ZBTB3: variants seen among roughly 807,000 people sequenced by gnomAD.
ZBTB3 encodes the protein zinc finger and BTB domain-containing protein 3.
ZBTB3 carries 15 observed loss-of-function variants against 30.6 expected under a neutral mutation model. The observed-to-expected ratio is 0.49, with a 90% CI of 0.33 to 0.75. ZBTB3 has a LOEUF of 0.75. ZBTB3 is among the 30% of genes least tolerant of loss of function. The pLI, the probability that ZBTB3 is intolerant of heterozygous loss-of-function variation, is 0.02. For synonymous variants in ZBTB3, 258 were observed against 261.7 expected (o/e 0.99, Z 0.14); for missense variants, 599 against 652.1 (o/e 0.92, Z 0.89).
rs2084025781 is a variant in ZBTB3, at chr11:62,752,707, C to G, written c.958G>C (p.Asp320His). 6.2e-7 allele frequency: 1 copy of G among 1,614,080 alleles called. No individual in the cohort carries two copies. The highest frequency in any genetic ancestry group is 1.7e-5 in the Admixed American group (1 of 60,008). The change falls in exon 2 of 2, where the codon GAT becomes CAT. Residue 320 changes from aspartate to histidine, a missense_variant. Coordinates refer to ENST00000394807, the MANE Select transcript of ZBTB3 (RefSeq NM_001370809.1). ...CTCTCAGGACCCTGAGGCTGTTCAT[C>G]TGACACATCAGTCTCTTCATCAGAG... ...VISDEETDVS[D>H]EQPQGPERAF...
chr11:62,753,849 T>TC, intron 1 of ZBTB3, 115 bp downstream of exon 1: 1 of 1,541,474 alleles, frequency 6.5e-7, no homozygotes, highest in Non-Finnish European at 8.8e-7. Flanking sequence ...CCCAAAGCTC[T>TC]CCCATTAGCT....
rs759512513 is a variant in ZBTB3 at position 62,752,137 on chromosome 11, C to T, written c.1528G>A (p.Gly510Arg). The change falls in exon 2 of 2, where the codon GGA (glycine) becomes AGA (arginine). Residue 510 changes from glycine to arginine, a missense_variant. Transcript: ENST00000394807. ...AATACAAAATCTTTAGGTGGCCCTC[C>T]ACCACTGCTGCTCTGTCTGTCTGCT... Reference protein sequence around the residue: ...PTADRQSSSGGGPPKDFVLAP... With the variant: ...PTADRQSSSGRGPPKDFVLAP... The T allele has an allele frequency of 3.4e-5, 55 of 1,613,578 alleles. No individual in the cohort carries two copies. Among genetic ancestry groups the T allele is most frequent in the Non-Finnish European group, 4.5e-5 (53 of 1,179,728 alleles).
At position 62,754,133 on chromosome 11, in the gene ZBTB3, A is replaced by G. The variant is rs1028836340; in HGVS notation, c.-221T>C. 17 of 1,467,742 alleles carry G rather than the reference A, an allele frequency of 1.2e-5. No homozygotes were observed. In the African/African-American group the frequency reaches 1.7e-4, roughly 14 times the overall value. 90.9% of individuals were successfully genotyped at this position (1,467,742 alleles called of 1,614,324 possible). On this transcript the variant is annotated 5_prime_UTR_variant, in exon 1 of 2. Coordinates refer to ENST00000394807, the MANE Select transcript of ZBTB3 (RefSeq NM_001370809.1). ...AGCGGAGAAAGCTGATACCTCACCC[A>G]CCACCGAGCAGCCACAGGGCGAGCT...
rs771039859 is a variant in ZBTB3 at position 62,752,231 on chromosome 11, G to A, written c.1434C>T (p.Ala478=). Residue 478 remains alanine (A), a synonymous_variant, in exon 2 of 2, where the codon GCC becomes GCT. Coordinates refer to ENST00000394807, the MANE Select transcript of ZBTB3 (RefSeq NM_001370809.1). ...CTTCTGGATCTGGTTTGCTGCGTTT[G>A]GCCAGGTCCTCATTGTGAGCCTTGC... The part of the protein sequence containing the change: ...HIRKAHNEDL[A]KRSKPDPEVG... 4 of 1,614,084 alleles carry A rather than the reference G, an allele frequency of 2.5e-6. No individual in the cohort carries two copies. In the Admixed American group the frequency reaches 6.7e-5, roughly 27 times the overall value.
Position 62,752,304 on chromosome 11 carries a change from T to C in ZBTB3, c.1361A>G (p.Tyr454Cys). 1 of 1,614,118 alleles carries C rather than the reference T, an allele frequency of 6.2e-7. No individual in the cohort carries two copies. Reference sequence around the variant, plus strand: ...TGACTGCGTGTAGCTCCGCAGGCAGTAGCGGCACTCATAGGGTCGCTCACG... The same window carrying C: ...TGACTGCGTGTAGCTCCGCAGGCAGCAGCGGCACTCATAGGGTCGCTCACG... The part of the protein sequence containing the change: ...HTRERPYECR[Y>C]CLRSYTQSGD... Residue 454 changes from tyrosine (Y) to cysteine (C), a missense_variant, in exon 2 of 2, where the codon TAC (tyrosine) becomes TGC (cysteine). Tyr to Cys is a radical substitution (Grantham distance 194). Transcript: ENST00000394807.
Position 62,752,032 on chromosome 11 carries a change from A to T in ZBTB3, c.*58T>A. The T allele has an allele frequency of 6.6e-7, 1 of 1,504,396 alleles. No individual in the cohort carries two copies. Among genetic ancestry groups the T allele is most frequent in the East Asian group, 2.3e-5 (1 of 43,944 alleles). 93.2% of individuals were successfully genotyped at this position (1,504,396 alleles called of 1,614,324 possible). A position where few individuals can be genotyped will look rare whatever the true frequency, so the allele number is the denominator to read the frequency against. ...CAGCAGGGGTGATAAGGTGCCACCA[A>T]CCTTCTGAGCTGCCATCTAAGGATG... On this transcript the variant is annotated 3_prime_UTR_variant, in exon 2 of 2. Coordinates refer to ENST00000394807, the MANE Select transcript of ZBTB3 (RefSeq NM_001370809.1).
Position 62,753,964 on chromosome 11 carries a change from C to T in ZBTB3, c.-52G>A. 1 of 1,614,068 alleles carries T rather than the reference C, an allele frequency of 6.2e-7. No individual in the cohort carries two copies. Among genetic ancestry groups the T allele is most frequent in the Non-Finnish European group, 8.5e-7 (1 of 1,180,020 alleles). ...CACCCTCCGCTTCCTTGATGCCCAC[C>T]CGGTAGCGTCCAACGGCTCCACGAA... is the stretch of plus-strand genomic sequence containing the variant. On this transcript the variant is annotated splice_region_variant and 5_prime_UTR_variant, in exon 1 of 2. Coordinates refer to ENST00000394807, the MANE Select transcript of ZBTB3 (RefSeq NM_001370809.1).
chr11:62,753,055 C>A lies in ZBTB3; in HGVS notation c.610G>T (p.Ala204Ser), dbSNP rs770425058. 1 of 1,614,184 alleles carries A rather than the reference C, an allele frequency of 6.2e-7. No individual in the cohort carries two copies. The highest frequency in any genetic ancestry group is 8.5e-7 in the Non-Finnish European group (1 of 1,180,046). The part of the protein sequence containing the change: ...DTTQPGMEVD[A>S]PHLRAPHPPV... ...GGATGAGGTGCCCGCAGATGTGGTG[C>A]GTCAACCTCCATGCCAGGCTGTGTA... The change falls in exon 2 of 2, where the codon GCA becomes TCA. Residue 204 changes from alanine to serine, a missense_variant. Ala to Ser is a moderately conservative substitution (Grantham distance 99). Coordinates refer to ENST00000394807, the MANE Select transcript of ZBTB3 (RefSeq NM_001370809.1).
In ZBTB3 at chr11:62,753,779, T is replaced by G. The variant is rs2098504800; in HGVS notation, c.-51-64A>C. ...CCCAGCAACCTTATCAGCCCTTAAC[T>G]ATCACTTGCCACTCCAAAACAATCG... is the stretch of plus-strand genomic sequence containing the variant. On this transcript the variant is annotated intron_variant, in intron 1 of 1. Transcript: ENST00000394807. The G allele has an allele frequency of 1.9e-6, 3 of 1,544,954 alleles. No individual in the cohort carries two copies. In the Admixed American group the frequency reaches 5.7e-5, roughly 29 times the overall value.
intron 1 of ZBTB3, 49 bp downstream of exon 1, chr11:62,753,915 C>T (rs1241056399): frequency 1.2e-6 from 2 of 1,603,040 alleles, no homozygotes; most frequent in Non-Finnish European, 8.5e-7. Flanking sequence ...ATAAGCCCTG[C>T]CCCCGGAAGT....
In ZBTB3 at chr11:62,751,859, G is replaced by A. The variant is rs377711549; in HGVS notation, c.*231C>T. 170 of 340,894 alleles carry A rather than the reference G, an allele frequency of 5.0e-4. No homozygotes were observed. The highest frequency in any genetic ancestry group is 8.0e-4 in the Non-Finnish European group (153 of 191,244). 21.1% of individuals were successfully genotyped at this position (340,894 alleles called of 1,614,324 possible). A position where few individuals can be genotyped will look rare whatever the true frequency, so the allele number is the denominator to read the frequency against. ...CTGAGGCAGGAGAATGGCGTGAATCGGGGAGGCTGAGCTTGCAGTGAGCCG... is the reference window on the plus strand; with the variant it reads ...CTGAGGCAGGAGAATGGCGTGAATCAGGGAGGCTGAGCTTGCAGTGAGCCG... On this transcript the variant is annotated 3_prime_UTR_variant, in exon 2 of 2. Transcript: ENST00000394807.
Position 62,753,445 on chromosome 11 carries a change from G to C in ZBTB3, c.220C>G (p.Pro74Ala), listed in dbSNP as rs1445723763. ...VCIHNEIVTA[P>A]AFGLLLDFMY... ...AAGTCCAGAAGCAGCCCAAAGGCTG[G>C]GGCTGTGACAATTTCATTGTGAATA... Residue 74 changes from proline to alanine, a missense_variant, in exon 2 of 2, where the codon CCA becomes GCA. Physicochemically the swap from Pro to Ala is conservative, Grantham distance 27 (BLOSUM62 -1). Coordinates refer to ENST00000394807, the MANE Select transcript of ZBTB3 (RefSeq NM_001370809.1). 2 of 1,614,192 alleles carry C rather than the reference G, an allele frequency of 1.2e-6. No individual in the cohort carries two copies. The highest frequency in any genetic ancestry group is 1.7e-5 in the Admixed American group (1 of 60,020).
chr11:62,753,672 C>A lies in ZBTB3; in HGVS notation c.-8G>T, dbSNP rs201321255. On this transcript the variant is annotated 5_prime_UTR_variant, in exon 2 of 2. Transcript: ENST00000394807. The stretch of plus-strand genomic sequence containing the variant: ...GTGTTCTGGGAACTCCATAGTACCC[C>A]ACGAAGGAAAGGGGGCCCAAAAAAG... The A allele has an allele frequency of 4.4e-6, 7 of 1,608,648 alleles. No homozygotes were observed. Among genetic ancestry groups the A allele is most frequent in the Admixed American group, 1.7e-5 (1 of 59,706 alleles).
At position 62,753,121 on chromosome 11, in the gene ZBTB3, G is replaced by A. The variant is rs571308707; in HGVS notation, c.544C>T (p.Arg182Cys). The change falls in exon 2 of 2, where the codon CGT becomes TGT. Residue 182 changes from arginine to cysteine, a missense_variant. Transcript: ENST00000394807. ...KGSAAPSPTV[R>C]PPDEPPMSSG... ...GACATTGGTGGCTCATCTGGAGGAC[G>A]GACAGTAGGTGAGGGAGCAGCAGAG... The A allele has an allele frequency of 7.4e-5, 120 of 1,614,176 alleles. No homozygotes were observed. The highest frequency in any genetic ancestry group is 1.7e-4 in the Admixed American group (10 of 60,006).
chr11:62,753,960 C>T lies in ZBTB3; in HGVS notation c.-52+4G>A. ...TAGCCACCCTCCGCTTCCTTGATGCCCACCCGGTAGCGTCCAACGGCTCCA... is the reference window on the plus strand; with the variant it reads ...TAGCCACCCTCCGCTTCCTTGATGCTCACCCGGTAGCGTCCAACGGCTCCA... On this transcript the variant is annotated splice_donor_region_variant and intron_variant, in intron 1 of 1. Transcript: ENST00000394807. The T allele has an allele frequency of 6.2e-7, 1 of 1,614,004 alleles. No individual in the cohort carries two copies. The highest frequency in any genetic ancestry group is 8.5e-7 in the Non-Finnish European group (1 of 1,179,986).
Position 62,751,849 on chromosome 11 carries a change from G to A in ZBTB3, c.*241C>T. 1 of 322,276 alleles carries A rather than the reference G, an allele frequency of 3.1e-6. No individual in the cohort carries two copies. The highest frequency in any genetic ancestry group is 5.6e-6 in the Non-Finnish European group (1 of 178,310). The allele number at this position is 322,276 out of a possible 1,614,324, so 20.0% of individuals were successfully genotyped here. On this transcript the variant is annotated 3_prime_UTR_variant, in exon 2 of 2. Transcript: ENST00000394807. ...ACTCGGGAGGCTGAGGCAGGAGAAT[G>A]GCGTGAATCGGGGAGGCTGAGCTTG...
rs1215298379 is a variant in ZBTB3, at chr11:62,753,046, G to A, written c.619C>T (p.Leu207=). 2 of 1,614,214 alleles carry A rather than the reference G, an allele frequency of 1.2e-6. No individual in the cohort carries two copies. Among genetic ancestry groups the A allele is most frequent in the Admixed American group, 1.7e-5 (1 of 60,020 alleles). Residue 207 remains leucine, a synonymous_variant, in exon 2 of 2, where the codon CTG becomes TTG. Transcript: ENST00000394807. ...GCCACTGGTGGATGAGGTGCCCGCA[G>A]ATGTGGTGCGTCAACCTCCATGCCA... ...QPGMEVDAPH[L]RAPHPPVADV...
Position 62,752,872 on chromosome 11 carries a change from C to T in ZBTB3, c.793G>A (p.Gly265Arg). The stretch of plus-strand genomic sequence containing the variant: ...GGATAGAAGCCTTGCAGTGGTCCTC[C>T]AGGATCCTTTGGTTCCACCACCCTC... ...SLRVVEPKDP[G>R]GPLQGFYPPA... is the part of the protein sequence containing the mutation. The change falls in exon 2 of 2, where the codon GGA becomes AGA. Residue 265 changes from glycine to arginine, a missense_variant. Physicochemically the swap from Gly to Arg is moderately radical, Grantham distance 125 (BLOSUM62 -2). Transcript: ENST00000394807. The T allele has an allele frequency of 6.2e-7, 1 of 1,614,152 alleles. No individual in the cohort carries two copies. The highest frequency in any genetic ancestry group is 8.5e-7 in the Non-Finnish European group (1 of 1,180,034).
chr11:62,751,187 G>A lies in ZBTB3; in HGVS notation c.*903C>T, dbSNP rs2084006440. The A allele has an allele frequency of 6.6e-6, 1 of 152,198 alleles. No individual in the cohort carries two copies. Among genetic ancestry groups the A allele is most frequent in the Non-Finnish European group, 1.5e-5 (1 of 68,062 alleles). 9.4% of individuals were successfully genotyped at this position (152,198 alleles called of 1,614,324 possible). A position where few individuals can be genotyped will look rare whatever the true frequency, so the allele number is the denominator to read the frequency against. ...AGGCCAAGGTGGGCAGATCACCTGG[G>A]GTCAGGAATTTGAGACCAGCCTGGC... is the stretch of plus-strand genomic sequence containing the variant. On this transcript the variant is annotated 3_prime_UTR_variant, in exon 2 of 2. Coordinates refer to ENST00000394807, the MANE Select transcript of ZBTB3 (RefSeq NM_001370809.1).
Sources: allele counts gnomAD v4.1 joint callset, GRCh38; gene constraint gnomAD v4.1.1; transcripts MANE v1.5; gene names NCBI Gene and HGNC (gene_info 2026-07-23, HGNC 2026-07-21).